The following GNAO1 variants were observed in gnomAD, a reference collection of about 807,000 sequenced individuals.
GNAO1 encodes the protein guanine nucleotide-binding protein G(o) subunit alpha.
For missense variants in GNAO1, 166 were observed against 478.7 expected (o/e 0.35, Z 6.10); for synonymous variants, 164 against 180.7 (o/e 0.91, Z 0.74).
At chr16:56,235,880 A>G (rs2036633055) in intron 2 of GNAO1, among the ~76,000 whole-genome samples, 1 of 152,226 alleles carries the variant, frequency 6.6e-6, no homozygotes, top group Non-Finnish European at 1.5e-5. Context: ...TGAAGTAGGA[A>G]GGGAAATGGA....
intron 2 of GNAO1, among the ~76,000 whole-genome samples, chr16:56,237,211 A>G (rs1457332156): frequency 6.6e-6 from 1 of 152,238 alleles, no homozygotes; most frequent in Non-Finnish European, 1.5e-5. Flanking sequence ...TATCAAGAAT[A>G]TGAAGAATCA....
intron 2 of GNAO1, among the ~76,000 whole-genome samples, chr16:56,224,249 A>AG (rs1465093938): frequency 2.0e-5 from 3 of 152,176 alleles, no homozygotes; most frequent in Non-Finnish European, 4.4e-5. Flanking sequence ...GTACAGCGTC[A>AG]GGCAGAGGAG....
intron 2 of GNAO1, among the ~76,000 whole-genome samples, chr16:56,227,613 A>T (rs2036543591): frequency 6.9e-6 from 1 of 144,864 alleles, no homozygotes; most frequent in South Asian, 2.3e-4. Context: ...ACTTAAGCCC[A>T]GGAGGTCAAG....
intron 3 of GNAO1, among the ~76,000 whole-genome samples, chr16:56,284,887 C>T (rs2037150050): frequency 6.6e-6 from 1 of 152,206 alleles, no homozygotes; most frequent in African/African-American, 2.4e-5. Flanking sequence ...TCTTTCCATG[C>T]CTTCCTGATC....
chr16:56,288,652 G>C (rs966708265), intron 3 of GNAO1, among the ~76,000 whole-genome samples: 1 of 152,168 alleles, frequency 6.6e-6, no homozygotes, highest in African/African-American at 2.4e-5. Flanking sequence ...CGTGGGGGCC[G>C]GTCTTCCCTT....
At chr16:56,221,660 A>G (rs2036489942) in intron 2 of GNAO1, among the ~76,000 whole-genome samples, 1 of 151,676 alleles carries the variant, frequency 6.6e-6, no homozygotes, top group East Asian at 1.9e-4. Flanking sequence ...TCAAAAAAAA[A>G]AAAAAAAAAA....
chr16:56,305,025 C>T (rs1178798698), intron 3 of GNAO1, among the ~76,000 whole-genome samples: 1 of 152,236 alleles, frequency 6.6e-6, no homozygotes, highest in African/African-American at 2.4e-5. Context: ...ACCCTCATGG[C>T]TGGTATGCCC....
chr16:56,257,553 G>A (rs1298726615), intron 2 of GNAO1, among the ~76,000 whole-genome samples: 1 of 152,158 alleles, frequency 6.6e-6, no homozygotes, highest in African/African-American at 2.4e-5. Context: ...GTCCTTGGGG[G>A]GGTGTGGTAT....
rs1029400060 is a variant in GNAO1 at position 56,256,692 on chromosome 16, C to G, written c.162-19239C>G. ...GGTCAGTCTCTTTCTCTCTGTCTCT[C>G]TCTCTCTCTCTCTCTCTCTCTCTCT... On this transcript the variant is annotated intron_variant, in intron 2 of 8. Transcript: ENST00000262493. Among the ~76,000 whole-genome samples the G allele has an allele frequency of 1.6e-4, 17 of 104,998 alleles. No homozygotes were observed. The East Asian group carries it at 3.1e-3, about 19-fold the overall frequency. The allele number at this position is 104,998 out of a possible 152,430, so 68.9% of individuals were successfully genotyped here.
intron 3 of GNAO1, chr16:56,307,946 A>C (rs1466133094): frequency 6.6e-6 from 1 of 152,186 alleles, no homozygotes. Flanking sequence ...CCATTGAAAG[A>C]CTCAGCGGTG....
chr16:56,336,739 A>G lies in GNAO1; in HGVS notation c.602A>G (p.Asp201Gly). ...TFKNLHFRLF[D>G]VGGQRSERKK... The stretch of plus-strand genomic sequence containing the variant: ...CTCCCTGCCTCCTACAGGCTGTTTG[A>G]CGTCGGAGGCCAGCGATCTGAACGC... Residue 201 changes from aspartate (D) to glycine (G), a missense_variant, in exon 6 of 9, where the codon GAC becomes GGC. Coordinates refer to ENST00000262493, the MANE Select transcript of GNAO1 (RefSeq NM_020988.3). 1 of 1,611,056 alleles carries G rather than the reference A, an allele frequency of 6.2e-7. No individual in the cohort carries two copies.
At chr16:56,266,418 AT>A (rs1369076568) in intron 2 of GNAO1, among the ~76,000 whole-genome samples, 3 of 152,206 alleles carry the variant, frequency 2.0e-5, no homozygotes, top group Non-Finnish European at 4.4e-5. Flanking sequence ...GAAATCAGAA[AT>A]TAAGACCCAG....
chr16:56,341,331 A>G (rs2037801507), intron 6 of GNAO1, among the ~76,000 whole-genome samples: 1 of 152,158 alleles, frequency 6.6e-6, no homozygotes. Context: ...GCTTGGAGTT[A>G]GGCAGCCCAA....
At chr16:56,205,161 G>A (rs116690454) in intron 2 of GNAO1, among the ~76,000 whole-genome samples, 3,292 of 152,296 alleles carry the variant, frequency 0.022, 108 homozygotes, top group African/African-American at 0.066. Flanking sequence ...GGGGCCCTGC[G>A]ATGTAGGAAT....
intron 4 of GNAO1, among the ~76,000 whole-genome samples, chr16:56,331,532 A>G (rs1338270778): frequency 1.3e-5 from 2 of 152,048 alleles, no homozygotes; most frequent in African/African-American, 4.8e-5. Context: ...CTCAGGGTTC[A>G]GGGTTCAGTC....
intron 2 of GNAO1, among the ~76,000 whole-genome samples, chr16:56,216,583 C>T (rs2036438651): frequency 6.6e-6 from 1 of 152,206 alleles, no homozygotes; most frequent in African/African-American, 2.4e-5. Context: ...GTCTCTGCCA[C>T]CTTGGGGTTT....
At chr16:56,283,730 A>G (rs2037136272) in intron 3 of GNAO1, among the ~76,000 whole-genome samples, 2 of 152,158 alleles carry the variant, frequency 1.3e-5, no homozygotes, top group African/African-American at 4.8e-5. Flanking sequence ...TGAAGGCTTC[A>G]TACTCCCATA....
intron 2 of GNAO1, among the ~76,000 whole-genome samples, chr16:56,232,791 G>A (rs1177286230): frequency 2.6e-5 from 4 of 152,198 alleles, no homozygotes; most frequent in Admixed American, 6.5e-5. Context: ...AGGGGTTGGG[G>A]TGAAGCGCCC....
In GNAO1 at chr16:56,192,230, GCCA is replaced by G; in HGVS notation, c.-2_1del. 1.3e-6 allele frequency: 2 copies of G among 1,523,862 alleles called. No homozygotes were observed. The highest frequency in any genetic ancestry group is 1.8e-6 in the Non-Finnish European group (2 of 1,108,128). 94.4% of individuals were successfully genotyped at this position (1,523,862 alleles called of 1,614,324 possible). On this transcript the variant is annotated 5_prime_UTR_variant, in exon 1 of 9. Coordinates refer to ENST00000262493, the MANE Select transcript of GNAO1 (RefSeq NM_020988.3). ...TCGTGCGGGCTGTGGCAGGGAAGGG[GCCA>G]CCATGGGATGTACTCTGAGCGCAGA... is the stretch of plus-strand genomic sequence containing the variant.
Sources: allele counts gnomAD v4.1 joint callset (sites outside exome capture counted in the v4.1 genomes callset), GRCh38; gene constraint gnomAD v4.1.1; transcripts MANE v1.5; gene names NCBI Gene and HGNC (gene_info 2026-07-23, HGNC 2026-07-21).